The following DRC7 variants were observed in gnomAD, a reference collection of about 807,000 sequenced individuals.
DRC7 encodes the protein coiled-coil domain containing 135.
A neutral mutation model predicts 104.4 loss-of-function variants in DRC7; 80 were observed. That is an observed-to-expected ratio of 0.77 (90% CI 0.64 to 0.92). The LOEUF (loss-of-function observed/expected upper bound fraction) is 0.92, where lower values mean the gene tolerates loss of function less well. DRC7 is among the 40% of genes least tolerant of loss of function. The pLI, the probability that DRC7 is intolerant of heterozygous loss-of-function variation, is 0.00. For missense variants in DRC7, 1,034 were observed against 1,141.1 expected, an observed-to-expected ratio of 0.91 and a Z score of 1.35; for synonymous variants, 405 against 447.3, an observed-to-expected ratio of 0.91 and a Z score of 1.19.
rs183424767 is a variant in DRC7 at position 57,715,589 on chromosome 16, T to C, written c.1078-2758T>C. 4.1e-4 allele frequency among the ~76,000 whole-genome samples: 63 copies of C among 152,358 alleles called. 1 individual carries two copies. Among genetic ancestry groups the C allele is most frequent in the Admixed American group, 4.1e-3 (63 of 15,308 alleles). On this transcript the variant is annotated intron_variant, in intron 8 of 18. Coordinates refer to ENST00000360716, the MANE Select transcript of DRC7 (RefSeq NM_001289162.2). Reference sequence around the variant, plus strand: ...GCACTGATTCCAGGGTTGTGGGAAGTAACACTCAGTAGATGCTTAGAATAG... The same window carrying C: ...GCACTGATTCCAGGGTTGTGGGAAGCAACACTCAGTAGATGCTTAGAATAG...
intron 4 of DRC7, among the ~76,000 whole-genome samples, 158 bp from the exon 5 acceptor site, chr16:57,699,987 C>T (rs1325090575): frequency 1.3e-5 from 2 of 152,236 alleles, no homozygotes; most frequent in African/African-American, 4.8e-5. Flanking sequence ...ATCACCTTCC[C>T]AGCCAAGGGC....
At chr16:57,709,436 A>G (rs2048769309) in intron 8 of DRC7, among the ~76,000 whole-genome samples, 2 of 151,908 alleles carry the variant, frequency 1.3e-5, no homozygotes, top group Admixed American at 6.6e-5. Flanking sequence ...ATAACATTTC[A>G]CTATTTGTGT....
At chr16:57,698,277 G>C in intron 3 of DRC7, 125 bp downstream of exon 3, 1 of 1,425,756 alleles carries the variant, frequency 7.0e-7, no homozygotes, top group Non-Finnish European at 9.4e-7. Flanking sequence ...AGTTATGAGT[G>C]AAGGCTTTCT....
At chr16:57,724,542 G>A in intron 12 of DRC7, 73 bp from the exon 13 acceptor site, 2 of 1,135,832 alleles carry the variant, frequency 1.8e-6, no homozygotes, top group South Asian at 1.5e-5. Flanking sequence ...CCTGGGGTTG[G>A]GCGACCAAGC....
chr16:57,724,513 G>A (rs2048940834), intron 12 of DRC7, 102 bp from the exon 13 acceptor site: 3 of 729,070 alleles, frequency 4.1e-6, no homozygotes, highest in African/African-American at 3.5e-5. Flanking sequence ...CCATAATGTG[G>A]GTCTGTCTTC....
At chr16:57,720,702 T>C (rs1274577854) in intron 9 of DRC7, among the ~76,000 whole-genome samples, 2 of 152,234 alleles carry the variant, frequency 1.3e-5, no homozygotes, top group African/African-American at 4.8e-5. Flanking sequence ...TTGACAATAC[T>C]AACTGCTGAC....
intron 8 of DRC7, among the ~76,000 whole-genome samples, chr16:57,712,699 C>T (rs981939651): frequency 1.3e-5 from 2 of 151,870 alleles, no homozygotes; most frequent in African/African-American, 4.8e-5. Context: ...CAGAGTTTCG[C>T]TCTTGTTGCC....
chr16:57,729,901 A>G (rs1597816624), intron 17 of DRC7, among the ~76,000 whole-genome samples: 3 of 59,494 alleles, frequency 5.0e-5, no homozygotes, highest in African/African-American at 1.4e-4. Context: ...TGGATGAGTG[A>G]GTGAGTAGGT....
At chr16:57,714,408 C>T (rs1291685877) in intron 8 of DRC7, 1 of 160,528 alleles carries the variant, frequency 6.2e-6, no homozygotes, top group Non-Finnish European at 1.4e-5. Flanking sequence ...ATCGCTTGAG[C>T]TCAGGAGTTT....
intron 12 of DRC7, 147 bp downstream of exon 12, chr16:57,723,277 C>A: frequency 1.1e-6 from 1 of 870,316 alleles, no homozygotes; most frequent in Non-Finnish European, 1.7e-6. Context: ...GCCCTGCCTC[C>A]CTCAGCAAAC....
intron 4 of DRC7, 121 bp downstream of exon 4, chr16:57,699,145 A>T (rs2048630925): frequency 1.9e-5 from 23 of 1,204,968 alleles, no homozygotes; most frequent in Non-Finnish European, 2.4e-5. Flanking sequence ...TGTGGGCCAG[A>T]GCGCTTCTAG....
At chr16:57,725,983 C>T (rs2048958272) in intron 13 of DRC7, 85 bp from the exon 14 acceptor site, 3 of 1,168,770 alleles carry the variant, frequency 2.6e-6, no homozygotes, top group Non-Finnish European at 3.7e-6. Flanking sequence ...CCTGAACGTT[C>T]GTTGCTCCTG....
chr16:57,724,729 AC>A lies in DRC7; in HGVS notation c.1653del (p.Tyr552IlefsTer24), dbSNP rs1567886654. 6.2e-7 allele frequency: 1 copy of A among 1,613,914 alleles called. No individual in the cohort carries two copies. The highest frequency in any genetic ancestry group is 8.5e-7 in the Non-Finnish European group (1 of 1,179,978). ...GAGACACCCAGGACAATGACAGAGT[AC>A]TATCAAGGACGCCCAGACTTCCTCT... is the stretch of plus-strand genomic sequence containing the variant. ...REETPRTMTE[Y>X]YQGRPDFLSY... On this transcript the variant is annotated frameshift_variant, in exon 13 of 19. Coordinates refer to ENST00000360716, the MANE Select transcript of DRC7 (RefSeq NM_001289162.2). LOFTEE classifies it high-confidence loss of function.
chr16:57,707,434 C>T (rs12933056), intron 7 of DRC7, 26 bp from the exon 8 acceptor site: 361,284 of 1,596,332 alleles, frequency 0.23, 42,545 homozygotes, highest in South Asian at 0.25. Flanking sequence ...CCATCTGACT[C>T]GTAGTCACCC....
At chr16:57,713,034 A>G (rs1218673104) in intron 8 of DRC7, among the ~76,000 whole-genome samples, 1 of 152,206 alleles carries the variant, frequency 6.6e-6, no homozygotes, top group Non-Finnish European at 1.5e-5. Context: ...AGATATTTCT[A>G]TTGTTGATTT....
intron 6 of DRC7, among the ~76,000 whole-genome samples, chr16:57,703,427 G>A (rs1024890570): frequency 7.9e-5 from 12 of 152,192 alleles, no homozygotes; most frequent in Admixed American, 5.9e-4. Context: ...AGGACTCTGG[G>A]ATCAGGGTCA....
chr16:57,708,591 TACAC>T (rs1481655831), intron 8 of DRC7, among the ~76,000 whole-genome samples: 1 of 152,198 alleles, frequency 6.6e-6, no homozygotes, highest in Non-Finnish European at 1.5e-5. Flanking sequence ...AGTGAACACA[TACAC>T]ACATTTCTGT....
Position 57,726,142 on chromosome 16 carries a change from C to A in DRC7, c.1833C>A (p.Val611=), listed in dbSNP as rs762564177. 1.2e-6 allele frequency: 2 copies of A among 1,613,114 alleles called. No individual in the cohort carries two copies. The highest frequency in any genetic ancestry group is 2.2e-5 in the East Asian group (1 of 44,886). The change falls in exon 14 of 19, where the codon GTC becomes GTA. Residue 611 remains valine, a synonymous_variant. Transcript: ENST00000360716. The stretch of plus-strand genomic sequence containing the variant: ...ACGTGGCAGAGCGCGTGTTTCTGGT[C>A]GCGGAGGAGCGCATCCAGCTGCGCT... ...EEDVAERVFL[V]AEERIQLRYH...
intron 8 of DRC7, among the ~76,000 whole-genome samples, chr16:57,715,952 T>C (rs1199542381): frequency 6.6e-6 from 1 of 152,194 alleles, no homozygotes; most frequent in Non-Finnish European, 1.5e-5. Flanking sequence ...AGGCTGTCAC[T>C]TTTACCAGCA....
Sources: allele counts gnomAD v4.1 joint callset (sites outside exome capture counted in the v4.1 genomes callset), GRCh38; gene constraint gnomAD v4.1.1; transcripts MANE v1.5; gene names NCBI Gene and HGNC (gene_info 2026-07-23, HGNC 2026-07-21).